Variants in NALF1 observed in about 807,000 individuals in gnomAD.
NALF1 encodes family with sequence similarity 155 member A.
In NALF1, 3 loss-of-function variants were observed where a neutral mutation model predicts 48.4. The ratio of observed to expected loss-of-function variants is 0.06; its 90% CI spans 0.03 to 0.16. The LOEUF (loss-of-function observed/expected upper bound fraction) is 0.16. Ranked by LOEUF, NALF1 falls within the 10% of genes least tolerant of loss-of-function variation. The probability of loss-of-function intolerance (pLI) is 1.00; values close to 1 mark genes in which losing one functional copy is unlikely to be tolerated. For missense variants in NALF1, 526 were observed against 571.5 expected (o/e 0.92, Z 0.81); for synonymous variants, 262 against 245.7 (o/e 1.07, Z -0.62).
At chr13:107,360,822 T>A (rs1229285668) in intron 1 of NALF1, among the ~76,000 whole-genome samples, 2 of 152,156 alleles carry the variant, frequency 1.3e-5, no homozygotes, top group African/African-American at 4.8e-5. Context: ...TATTTTCTAA[T>A]CTATAGCTGC....
At chr13:107,783,931 ACTT>A (rs1023261882) in intron 1 of NALF1, among the ~76,000 whole-genome samples, 9 of 151,922 alleles carry the variant, frequency 5.9e-5, no homozygotes, top group East Asian at 1.9e-4. Context: ...AGATGCACTC[ACTT>A]CTTCTTCTAC....
Position 107,170,300 on chromosome 13 carries a change from C to A in NALF1, c.*197G>T. On this transcript the variant is annotated 3_prime_UTR_variant, in exon 3 of 3. Coordinates refer to ENST00000375915, the MANE Select transcript of NALF1 (RefSeq NM_001080396.3). ...TAAAATGGTGTGAGAAATTTAAAGT[C>A]ACTTTCCAGCCTTTTAGTCAATAAA... 1.9e-6 allele frequency: 1 copy of A among 526,766 alleles called. No individual in the cohort carries two copies. Among genetic ancestry groups the A allele is most frequent in the Non-Finnish European group, 3.3e-6 (1 of 298,954 alleles). The allele number at this position is 526,766 out of a possible 1,614,324, so 32.6% of individuals were successfully genotyped here.
At chr13:107,632,836 T>C (rs148753721) in intron 1 of NALF1, among the ~76,000 whole-genome samples, 4 of 151,498 alleles carry the variant, frequency 2.6e-5, no homozygotes, top group African/African-American at 9.7e-5. Flanking sequence ...TATTGTATCT[T>C]GAGTTCTCTA....
At chr13:107,782,386 G>A (rs1477802627) in intron 1 of NALF1, among the ~76,000 whole-genome samples, 167 of 150,846 alleles carry the variant, frequency 1.1e-3, no homozygotes, top group Admixed American at 3.8e-3. Flanking sequence ...GTGCAGTGGC[G>A]TGATCTCGGC....
intron 1 of NALF1, among the ~76,000 whole-genome samples, chr13:107,229,053 T>A (rs979459163): frequency 6.6e-6 from 1 of 152,176 alleles, no homozygotes; most frequent in Admixed American, 6.5e-5. Flanking sequence ...TTAGAAGCTA[T>A]GTCGTCTGAA....
chr13:107,408,205 C>T (rs1158910124), intron 1 of NALF1, among the ~76,000 whole-genome samples: 7 of 151,750 alleles, frequency 4.6e-5, no homozygotes, highest in Admixed American at 1.3e-4. Flanking sequence ...TATTTGCTAA[C>T]GTAACAGGGT....
chr13:107,671,477 G>A (rs1880989666), intron 1 of NALF1, among the ~76,000 whole-genome samples: 1 of 152,018 alleles, frequency 6.6e-6, no homozygotes, highest in African/African-American at 2.4e-5. Flanking sequence ...AATTAGTAAT[G>A]TAAAAATGAT....
chr13:107,630,623 T>C (rs1019883731), intron 1 of NALF1, among the ~76,000 whole-genome samples: 2 of 152,176 alleles, frequency 1.3e-5, no homozygotes, highest in Non-Finnish European at 2.9e-5. Context: ...GGGGAAAATA[T>C]ATTTTTCTTA....
intron 1 of NALF1, among the ~76,000 whole-genome samples, chr13:107,478,121 T>G (rs1305748286): frequency 6.6e-6 from 1 of 152,146 alleles, no homozygotes; most frequent in Non-Finnish European, 1.5e-5. Context: ...CTAACTCTTA[T>G]TGCAGTAACC....
chr13:107,504,638 C>T (rs886880374), intron 1 of NALF1, among the ~76,000 whole-genome samples: 2 of 152,114 alleles, frequency 1.3e-5, no homozygotes, highest in African/African-American at 4.8e-5. Flanking sequence ...GAAGGCCCCC[C>T]TAAATATGAC....
At chr13:107,766,981 T>C (rs1421918934) in intron 1 of NALF1, among the ~76,000 whole-genome samples, 1 of 152,036 alleles carries the variant, frequency 6.6e-6, no homozygotes, top group Non-Finnish European at 1.5e-5. Flanking sequence ...AGCAGGCAAC[T>C]GACAACAGAA....
chr13:107,590,145 A>T (rs1268180003), intron 1 of NALF1, among the ~76,000 whole-genome samples: 4 of 152,064 alleles, frequency 2.6e-5, no homozygotes, highest in Admixed American at 2.6e-4. Context: ...GAAAATGTTT[A>T]ATCTTTATTT....
At chr13:107,818,530 G>C (rs950221208) in intron 1 of NALF1, among the ~76,000 whole-genome samples, 4 of 152,112 alleles carry the variant, frequency 2.6e-5, no homozygotes, top group Non-Finnish European at 5.9e-5. Flanking sequence ...GCAGATTGTA[G>C]AGTTGGAGTT....
At chr13:107,187,173 T>C (rs1879192760) in intron 2 of NALF1, among the ~76,000 whole-genome samples, 1 of 152,160 alleles carries the variant, frequency 6.6e-6, no homozygotes, top group South Asian at 2.1e-4. Flanking sequence ...TCCTGGGTAA[T>C]CTCTTCATTT....
chr13:107,363,380 G>A (rs1309159875), intron 1 of NALF1, among the ~76,000 whole-genome samples: 3 of 152,146 alleles, frequency 2.0e-5, no homozygotes, highest in African/African-American at 7.2e-5. Context: ...GATCACTCGA[G>A]CCTAGGAGTT....
chr13:107,651,542 C>T (rs1351560565), intron 1 of NALF1, among the ~76,000 whole-genome samples: 2 of 152,096 alleles, frequency 1.3e-5, no homozygotes, highest in African/African-American at 4.8e-5. Flanking sequence ...TAATGAAAAC[C>T]TCTACTGATA....
At chr13:107,605,498 T>C (rs897774613) in intron 1 of NALF1, among the ~76,000 whole-genome samples, 1 of 151,560 alleles carries the variant, frequency 6.6e-6, no homozygotes, top group Non-Finnish European at 1.5e-5. Flanking sequence ...CATATTATCA[T>C]GTTTTTGTTT....
chr13:107,537,056 A>C (rs1269592180), intron 1 of NALF1, among the ~76,000 whole-genome samples: 1 of 152,130 alleles, frequency 6.6e-6, no homozygotes, highest in East Asian at 1.9e-4. Flanking sequence ...CAGGGCGGGG[A>C]ACATCACACA....
At chr13:107,693,527 A>G (rs1338832085) in intron 1 of NALF1, among the ~76,000 whole-genome samples, 2 of 152,110 alleles carry the variant, frequency 1.3e-5, no homozygotes, top group South Asian at 2.1e-4. Flanking sequence ...GGTAGGAAAC[A>G]CTTTTCAGTC....
Sources: allele counts gnomAD v4.1 joint callset (sites outside exome capture counted in the v4.1 genomes callset), GRCh38; gene constraint gnomAD v4.1.1; transcripts MANE v1.5; gene names NCBI Gene and HGNC (gene_info 2026-07-23, HGNC 2026-07-21).